ANXA4: variants seen among roughly 807,000 people sequenced by gnomAD.
ANXA4 encodes 35-beta calcimedin.
A neutral mutation model predicts 49.8 loss-of-function variants in ANXA4; 39 were observed. The observed-to-expected ratio is 0.78, with a 90% CI of 0.61 to 1.02. ANXA4 has a LOEUF of 1.02. ANXA4 is among the 50% of genes least tolerant of loss of function. ANXA4 has a pLI of 0.00. For missense variants in ANXA4, 360 were observed against 410.1 expected (o/e 0.88, Z 1.05); for synonymous variants, 134 against 152.5 (o/e 0.88, Z 0.89).
At chr2:69,794,676 C>A (rs1672856781) in intron 3 of ANXA4, among the ~76,000 whole-genome samples, 1 of 152,130 alleles carries the variant, frequency 6.6e-6, no homozygotes, top group Non-Finnish European at 1.5e-5. Context: ...CATTCTCTTG[C>A]CTCAGCCTCC....
At chr2:69,771,043 A>G (rs1054729177) in intron 1 of ANXA4, among the ~76,000 whole-genome samples, 17 of 143,876 alleles carry the variant, frequency 1.2e-4, no homozygotes, top group Non-Finnish European at 1.8e-4. Context: ...GAAGTGAGCT[A>G]TGACTGTACC....
At chr2:69,748,255 C>T (rs996012825) in intron 1 of ANXA4, among the ~76,000 whole-genome samples, 7 of 151,702 alleles carry the variant, frequency 4.6e-5, no homozygotes, top group East Asian at 1.9e-4. Context: ...GGCGGGTGCC[C>T]GTAGGCCCAG....
At chr2:69,804,787 T>A (rs2103810775) in intron 4 of ANXA4, among the ~76,000 whole-genome samples, 160 bp downstream of exon 4, 1 of 152,264 alleles carries the variant, frequency 6.6e-6, no homozygotes, top group African/African-American at 2.4e-5. Context: ...GGGTCACACC[T>A]GTAATCCCAG....
intron 1 of ANXA4, among the ~76,000 whole-genome samples, chr2:69,774,400 G>A (rs1157027690): frequency 1.5e-5 from 2 of 135,974 alleles, no homozygotes; most frequent in Non-Finnish European, 3.1e-5. Context: ...GAGCAGTGGC[G>A]CAATCTCAGC....
intron 2 of ANXA4, among the ~76,000 whole-genome samples, chr2:69,698,852 G>A (rs1354618394): frequency 6.6e-6 from 1 of 152,162 alleles, no homozygotes; most frequent in Non-Finnish European, 1.5e-5. Context: ...GTGGTTTTGA[G>A]TTGTAATTTC....
chr2:69,820,881 G>A (rs1460741041), intron 12 of ANXA4, 60 bp downstream of exon 12: 2 of 1,550,046 alleles, frequency 1.3e-6, no homozygotes, highest in African/African-American at 1.4e-5. Flanking sequence ...CTCTGACCTT[G>A]GCATTTAGCA....
intron 1 of ANXA4, among the ~76,000 whole-genome samples, chr2:69,760,079 G>A (rs926423414): frequency 8.5e-5 from 13 of 152,088 alleles, no homozygotes; most frequent in Non-Finnish European, 1.9e-4. Context: ...TGATCCACCC[G>A]CCTCGGCCTC....
intron 1 of ANXA4, among the ~76,000 whole-genome samples, chr2:69,779,212 G>T (rs1245586447): frequency 6.6e-6 from 1 of 150,460 alleles, no homozygotes; most frequent in African/African-American, 2.5e-5. Context: ...TGTGGAAAGA[G>T]CTTGAAAATT....
At chr2:69,762,141 G>A (rs1310180527) in intron 1 of ANXA4, among the ~76,000 whole-genome samples, 1 of 152,186 alleles carries the variant, frequency 6.6e-6, no homozygotes, top group Admixed American at 6.5e-5. Flanking sequence ...TTAAAATTTA[G>A]TTTCTCAGTC....
At chr2:69,794,655 C>T (rs989253272) in intron 3 of ANXA4, among the ~76,000 whole-genome samples, 32 of 152,118 alleles carry the variant, frequency 2.1e-4, no homozygotes, top group African/African-American at 6.0e-4. Context: ...CTCTGCCTTC[C>T]GAGTTCACGC....
chr2:69,721,484 G>A (rs921891542), intron 3 of ANXA4, among the ~76,000 whole-genome samples: 1 of 152,162 alleles, frequency 6.6e-6, no homozygotes, highest in Non-Finnish European at 1.5e-5. Context: ...GAGGCAGGAG[G>A]ATTGCTTGAG....
intron 2 of ANXA4, among the ~76,000 whole-genome samples, chr2:69,669,523 A>G (rs568108349): frequency 6.6e-6 from 1 of 151,682 alleles, no homozygotes; most frequent in Admixed American, 6.6e-5. Context: ...AGGCAGGAGA[A>G]TTGCTTGAAC....
At chr2:69,703,625 T>A (rs1354464864) in intron 2 of ANXA4, among the ~76,000 whole-genome samples, 1 of 152,206 alleles carries the variant, frequency 6.6e-6, no homozygotes, top group Non-Finnish European at 1.5e-5. Flanking sequence ...TTATACAGCT[T>A]GACTCTTTTT....
rs748222926 is a variant in ANXA4, at chr2:69,825,551, A to C, written c.*36A>C. The C allele has an allele frequency of 6.5e-7, 1 of 1,542,000 alleles. No individual in the cohort carries two copies. Among genetic ancestry groups the C allele is most frequent in the South Asian group, 1.2e-5 (1 of 84,934 alleles). ...CCAGAAGGACAGGAGGATTCTCAAC[A>C]CTTTGAATTTTTTTAACTTCATTTT... On this transcript the variant is annotated 3_prime_UTR_variant, in exon 13 of 13. Coordinates refer to ENST00000394295, the MANE Select transcript of ANXA4 (RefSeq NM_001153.5).
At chr2:69,774,314 T>G in intron 1 of ANXA4, among the ~76,000 whole-genome samples, 1 of 150,752 alleles carries the variant, frequency 6.6e-6, no homozygotes, top group Admixed American at 6.6e-5. Context: ...TATGAGGTGT[T>G]TATGTAAAAG....
intron 1 of ANXA4, among the ~76,000 whole-genome samples, chr2:69,762,878 C>T (rs1161128552): frequency 1.3e-5 from 2 of 152,140 alleles, no homozygotes; most frequent in Non-Finnish European, 2.9e-5. Context: ...CACTCACACA[C>T]ACTCATACTC....
chr2:69,802,105 A>C (rs1351319029), intron 3 of ANXA4, among the ~76,000 whole-genome samples: 1 of 152,158 alleles, frequency 6.6e-6, no homozygotes, highest in Non-Finnish European at 1.5e-5. Context: ...GAGAGTCTCA[A>C]ATGTCAGGCT....
intron 3 of ANXA4, among the ~76,000 whole-genome samples, chr2:69,723,509 C>T (rs1040538471): frequency 2.0e-5 from 3 of 152,110 alleles, no homozygotes; most frequent in African/African-American, 7.2e-5. Context: ...ACCATTGTTC[C>T]CTCTTCCTAG....
intron 1 of ANXA4, among the ~76,000 whole-genome samples, chr2:69,748,530 T>TA (rs1221930178): frequency 4.0e-5 from 6 of 150,806 alleles, no homozygotes; most frequent in African/African-American, 1.5e-4. Context: ...TTATAAATTA[T>TA]ATTACATAAA....
Sources: allele counts gnomAD v4.1 joint callset (sites outside exome capture counted in the v4.1 genomes callset), GRCh38; gene constraint gnomAD v4.1.1; transcripts MANE v1.5; gene names NCBI Gene and HGNC (gene_info 2026-07-23, HGNC 2026-07-21).